ST6GAL2: variants seen among roughly 807,000 people sequenced by gnomAD.
The protein encoded by ST6GAL2 is ST6 beta-galactoside alpha-2,6-sialyltransferase 2.
A neutral mutation model predicts 37.5 loss-of-function variants in ST6GAL2; 24 were observed. The observed-to-expected ratio is 0.64, with a 90% CI of 0.46 to 0.90. The LOEUF is 0.90. Among genes scored for constraint, ST6GAL2 ranks in the 40% least tolerant of loss-of-function variants. ST6GAL2 has a pLI of 0.00. For missense variants in ST6GAL2, 715 were observed against 712.7 expected (o/e 1.00, Z -0.04); for synonymous variants, 306 against 295.1 (o/e 1.04, Z -0.38).
In ST6GAL2 at chr2:106,843,463, C is replaced by T. The variant is rs76671923; in HGVS notation, c.515G>A (p.Arg172Gln). Residue 172 changes from arginine to glutamine, a missense_variant, in exon 2 of 6, where the codon CGG becomes CAG. Physicochemically the swap from Arg to Gln is conservative, Grantham distance 43. This residue lies in a region of ST6GAL2 where 512 missense variants were observed against 488.8 expected (regional missense o/e 1.05). Transcript: ENST00000409382. The stretch of plus-strand genomic sequence containing the variant: ...CTGCCTCCGGTGCCTCTTCTTCACC[C>T]GCCTCCTCTGGACCTGTGCAGCCGG... ...AFPAAQVQRR[R>Q]VKKRHRRQRR... is the part of the protein sequence containing the mutation. 4,733 of 1,614,106 alleles carry T rather than the reference C, an allele frequency of 2.9e-3. 94 individuals carry two copies. In the African/African-American group the frequency reaches 0.042, roughly 14 times the overall value.
intron 1 of ST6GAL2, 126 bp from the exon 2 acceptor site, chr2:106,844,160 C>T: frequency 1.9e-6 from 1 of 514,640 alleles, no homozygotes; most frequent in South Asian, 3.8e-5. Context: ...CACTAGAAAC[C>T]AGAATCATCC....
At chr2:106,844,580 T>G (rs1238271581) in intron 1 of ST6GAL2, among the ~76,000 whole-genome samples, 1 of 152,164 alleles carries the variant, frequency 6.6e-6, no homozygotes, top group African/African-American at 2.4e-5. Flanking sequence ...GAAGGCTGCC[T>G]AGAACATACC....
At chr2:106,818,192 T>C (rs1675876489) in intron 5 of ST6GAL2, among the ~76,000 whole-genome samples, 1 of 152,174 alleles carries the variant, frequency 6.6e-6, no homozygotes, top group Non-Finnish European at 1.5e-5. Context: ...CATCATTTGC[T>C]GATTGTAGAG....
chr2:106,836,744 A>G (rs191211453), intron 2 of ST6GAL2, among the ~76,000 whole-genome samples: 1,814 of 139,584 alleles, frequency 0.013, 20 homozygotes, highest in Non-Finnish European at 0.02. Flanking sequence ...CCTGACCACC[A>G]TGGAGAAACC....
intron 1 of ST6GAL2, among the ~76,000 whole-genome samples, chr2:106,846,393 ACTC>A (rs1677146882): frequency 6.6e-6 from 1 of 152,108 alleles, no homozygotes; most frequent in Non-Finnish European, 1.5e-5. Context: ...TGCTGAGTAA[ACTC>A]CTACATTTTA....
intron 1 of ST6GAL2, among the ~76,000 whole-genome samples, chr2:106,864,522 C>A (rs1677943189): frequency 1.3e-5 from 2 of 152,206 alleles, no homozygotes; most frequent in African/African-American, 4.8e-5. Flanking sequence ...TCACATTTCC[C>A]ATTCGAGAAG....
At position 106,832,558 on chromosome 2, in the gene ST6GAL2, CACTT is replaced by C. The variant is rs755848063; in HGVS notation, c.1143+3_1143+6del. On this transcript the variant is annotated splice_donor_5th_base_variant and intron_variant, in intron 4 of 5. Transcript: ENST00000409382. ...GTTGGGGTGGGCAAATCCAGGGAAA[CACTT>C]ACCAGGTTAAGATTTGCGGAATATG... The C allele has an allele frequency of 4.6e-6, 7 of 1,521,254 alleles. No homozygotes were observed. Among genetic ancestry groups the C allele is most frequent in the Admixed American group, 2.0e-5 (1 of 50,588 alleles). The allele number at this position is 1,521,254 out of a possible 1,614,324, so 94.2% of individuals were successfully genotyped here.
intron 1 of ST6GAL2, among the ~76,000 whole-genome samples, chr2:106,874,661 TTCCCCTCAATTTTTTTCTTAAAGAG>T (rs988763036): frequency 5.9e-5 from 9 of 152,192 alleles, no homozygotes; most frequent in African/African-American, 2.2e-4. Context: ...AGTGCACTGC[TTCCCCTCAATTTTTTTCTTAAAGAG>T]TATGATAAAC....
chr2:106,851,163 T>C lies in ST6GAL2; in HGVS notation c.-57-7129A>G, dbSNP rs1677344122. Among the ~76,000 whole-genome samples, 3 of 152,256 alleles carry C rather than the reference T, an allele frequency of 2.0e-5. No homozygotes were observed. The South Asian group carries it at 6.2e-4, about 32-fold the overall frequency. ...GTCTGAATTCCCAGTGGATGTTCTC[T>C]GCCTATTTGGACTACTTTTTTCTAT... On this transcript the variant is annotated intron_variant, in intron 1 of 5. Coordinates refer to ENST00000409382, the MANE Select transcript of ST6GAL2 (RefSeq NM_001142351.2).
chr2:106,850,424 C>T (rs79575416), intron 1 of ST6GAL2, among the ~76,000 whole-genome samples: 18 of 152,246 alleles, frequency 1.2e-4, no homozygotes, highest in African/African-American at 4.3e-4. Context: ...TTAAGTGGCT[C>T]CTAATGCACA....
Position 106,838,860 on chromosome 2 carries a change from A to AC in ST6GAL2, c.943+4174dup, listed in dbSNP as rs553706505. ...AGACCAGCCTGGCCAACATCATGAA[A>AC]CCCCATCTCTACTAAAAACACAAAA... is the stretch of plus-strand genomic sequence containing the variant. On this transcript the variant is annotated intron_variant, in intron 2 of 5. Coordinates refer to ENST00000409382, the MANE Select transcript of ST6GAL2 (RefSeq NM_001142351.2). Among the ~76,000 whole-genome samples the AC allele has an allele frequency of 8.6e-5, 13 of 151,826 alleles. No individual in the cohort carries two copies. In the South Asian group the frequency reaches 2.7e-3, roughly 32 times the overall value.
chr2:106,831,233 G>A (rs556978066), intron 4 of ST6GAL2, among the ~76,000 whole-genome samples: 2 of 152,352 alleles, frequency 1.3e-5, no homozygotes, highest in South Asian at 4.1e-4. Context: ...AGAGGAATGT[G>A]GGGCCAGAGG....
rs1356660771 is a variant in ST6GAL2 at position 106,843,174 on chromosome 2, C to T, written c.804G>A (p.Glu268=). The change falls in exon 2 of 6, where the codon GAG becomes GAA. Residue 268 remains glutamate, a synonymous_variant. Transcript: ENST00000409382. ...GCCAGCCCAGCGCAGAAAAGGGCGC[C>T]TCGGTGCCGTCCAGCGTCCGCACGC... ...RARVRTLDGT[E]APFSALGWRR... The T allele has an allele frequency of 5.1e-6, 8 of 1,556,882 alleles. No homozygotes were observed. In the South Asian group the frequency reaches 8.2e-5, roughly 16 times the overall value.
At chr2:106,868,605 T>C (rs1192553578) in intron 1 of ST6GAL2, among the ~76,000 whole-genome samples, 4 of 152,224 alleles carry the variant, frequency 2.6e-5, no homozygotes, top group African/African-American at 7.2e-5. Flanking sequence ...ACATGCTTGC[T>C]GCTAATACTT....
intron 1 of ST6GAL2, among the ~76,000 whole-genome samples, chr2:106,846,706 T>C (rs549207808): frequency 8.5e-5 from 13 of 152,346 alleles, no homozygotes; most frequent in Non-Finnish European, 1.8e-4. Context: ...ATAGATTTTA[T>C]ATACAGTAAT....
At chr2:106,814,124 G>A (rs1675710778) in intron 5 of ST6GAL2, among the ~76,000 whole-genome samples, 1 of 152,150 alleles carries the variant, frequency 6.6e-6, no homozygotes, top group Admixed American at 6.5e-5. Context: ...TATAATGCAA[G>A]AATAATACTG....
intron 2 of ST6GAL2, among the ~76,000 whole-genome samples, chr2:106,838,701 C>G (rs1184900648): frequency 6.6e-6 from 1 of 152,154 alleles, no homozygotes; most frequent in East Asian, 1.9e-4. Context: ...ACAAAGTTAT[C>G]TATCACTTAG....
intron 1 of ST6GAL2, among the ~76,000 whole-genome samples, chr2:106,876,987 G>GA (rs938317566): frequency 5.3e-5 from 8 of 151,900 alleles, no homozygotes; most frequent in Admixed American, 1.3e-4. Flanking sequence ...CTATTTAGAG[G>GA]AAAAAAAAGG....
Position 106,843,482 on chromosome 2 carries a change from C to G in ST6GAL2, c.496G>C (p.Ala166Pro). 1.2e-6 allele frequency: 2 copies of G among 1,614,058 alleles called. No individual in the cohort carries two copies. The highest frequency in any genetic ancestry group is 1.7e-6 in the Non-Finnish European group (2 of 1,180,012). Residue 166 changes from alanine (A) to proline (P), a missense_variant, in exon 2 of 6, where the codon GCA becomes CCA. Ala to Pro is a conservative substitution (Grantham distance 27, BLOSUM62 -1). This residue lies in a region of ST6GAL2 where 512 missense variants were observed against 488.8 expected (regional missense o/e 1.05). Transcript: ENST00000409382. ...PGPREGAFPA[A>P]QVQRRRVKKR... ...TTCACCCGCCTCCTCTGGACCTGTG[C>G]AGCCGGAAAAGCCCCCTCCCGTGGG...
Sources: gnomAD v4.1 joint callset for allele counts (sites outside exome capture counted in the v4.1 genomes callset) on GRCh38, gnomAD v4.1.1 for gene constraint, gnomAD v4.1.1 regional missense constraint, MANE v1.5 for transcripts, NCBI Gene and HGNC (gene_info 2026-07-23, HGNC 2026-07-21) for gene names.